The following KYNU variants were observed in gnomAD, a reference collection of about 807,000 sequenced individuals.
KYNU encodes kynureninase.
A neutral mutation model predicts 59.2 loss-of-function variants in KYNU; 54 were observed. That is an observed-to-expected ratio of 0.91 (90% confidence interval 0.73 to 1.14). KYNU has a LOEUF of 1.14. Ranked by LOEUF, KYNU falls within the 50% of genes most tolerant of loss-of-function variation. KYNU has a pLI of 0.00. For missense variants in KYNU, 567 were observed against 554.4 expected, an observed-to-expected ratio of 1.02 and a Z score of -0.23; for synonymous variants, 177 against 192.0, an observed-to-expected ratio of 0.92 and a Z score of 0.65.
intron 2 of KYNU, among the ~76,000 whole-genome samples, chr2:142,892,171 C>A (rs1681738821): frequency 6.6e-6 from 1 of 152,234 alleles, no homozygotes; most frequent in African/African-American, 2.4e-5. Flanking sequence ...ATCTCAGACT[C>A]CAAAGTGTTG....
intron 10 of KYNU, among the ~76,000 whole-genome samples, chr2:143,026,135 C>T (rs432693): frequency 0.36 from 54,013 of 151,872 alleles, 10,576 homozygotes; most frequent in East Asian, 0.52. Flanking sequence ...ACATTTTGGC[C>T]ATAGTTAAAT....
intron 4 of KYNU, among the ~76,000 whole-genome samples, chr2:142,946,260 C>T (rs1221245491): frequency 6.6e-6 from 1 of 151,362 alleles, no homozygotes; most frequent in Admixed American, 6.6e-5. Flanking sequence ...CTTTTTGTAT[C>T]ATTGGTAAAA....
chr2:142,919,529 T>C (rs1008677921), intron 3 of KYNU, among the ~76,000 whole-genome samples: 4 of 152,334 alleles, frequency 2.6e-5, no homozygotes, highest in African/African-American at 7.2e-5. Context: ...CCAAACCAAA[T>C]AGAATTTCAG....
intron 4 of KYNU, among the ~76,000 whole-genome samples, chr2:142,949,275 G>A (rs1683906130): frequency 6.6e-6 from 1 of 152,102 alleles, no homozygotes; most frequent in Non-Finnish European, 1.5e-5. Context: ...TACCACTCTG[G>A]GGACTGGAGG....
chr2:142,936,040 G>A (rs1047927551), intron 4 of KYNU, among the ~76,000 whole-genome samples: 5 of 152,174 alleles, frequency 3.3e-5, no homozygotes, highest in Non-Finnish European at 7.4e-5. Flanking sequence ...AGGCGATTGA[G>A]AGAAAGAGGT....
At chr2:142,947,090 CT>C in intron 4 of KYNU, 1 of 1,550,980 alleles carries the variant, frequency 6.4e-7, no homozygotes, top group Middle Eastern at 1.7e-4. Context: ...ACAATATGTC[CT>C]TTTGTTGCTT....
At chr2:142,931,643 T>C (rs1280715281) in intron 4 of KYNU, among the ~76,000 whole-genome samples, 1 of 152,174 alleles carries the variant, frequency 6.6e-6, no homozygotes, top group African/African-American at 2.4e-5. Context: ...AAGAGGCTGC[T>C]TTTGGTGTTG....
Position 142,897,244 on chromosome 2 carries a change from C to G in KYNU, c.169+11708C>G, listed in dbSNP as rs142688408. ...TGGAGTGTTCTTTAAAAGCCAGTTA[C>G]ATTCATTTGGTTCCTGGCGTTTTTC... On this transcript the variant is annotated intron_variant, in intron 2 of 13. Transcript: ENST00000264170. Among the ~76,000 whole-genome samples the G allele has an allele frequency of 3.3e-5, 5 of 152,264 alleles. No homozygotes were observed. In the East Asian group the frequency reaches 9.6e-4, roughly 29 times the overall value.
At chr2:142,879,923 T>G (rs1681233305) in intron 1 of KYNU, among the ~76,000 whole-genome samples, 1 of 151,662 alleles carries the variant, frequency 6.6e-6, no homozygotes. Flanking sequence ...TAAAGTCACC[T>G]CCAATCAACT....
chr2:142,919,554 G>T (rs1682797856), intron 3 of KYNU, among the ~76,000 whole-genome samples: 1 of 152,248 alleles, frequency 6.6e-6, no homozygotes, highest in Admixed American at 6.5e-5. Flanking sequence ...AAAACATTTG[G>T]CTGTCATAGA....
chr2:143,012,920 T>C lies in KYNU; in HGVS notation c.903-16707T>C, dbSNP rs368702996. 6.2e-4 allele frequency among the ~76,000 whole-genome samples: 95 copies of C among 152,352 alleles called. 1 individual carries two copies. The South Asian group carries it at 0.019, about 31-fold the overall frequency. ...TCTCTATCTCTGTATATTTGAATTT[T>C]TTTTAGATTTCATACATAAGTGAGA... On this transcript the variant is annotated intron_variant, in intron 10 of 13. Coordinates refer to ENST00000264170, the MANE Select transcript of KYNU (RefSeq NM_003937.3).
chr2:142,942,110 G>C (rs1683619716), intron 4 of KYNU, among the ~76,000 whole-genome samples: 1 of 146,306 alleles, frequency 6.8e-6, no homozygotes, highest in Non-Finnish European at 1.5e-5. Flanking sequence ...CTGGGAGTTT[G>C]AGGCTACAGT....
intron 8 of KYNU, among the ~76,000 whole-genome samples, chr2:142,976,527 G>A (rs56182344): frequency 1.3e-5 from 2 of 152,104 alleles, no homozygotes; most frequent in East Asian, 1.9e-4. Context: ...TATTTGTTGT[G>A]TAAAGGTTTT....
chr2:143,001,696 ATTAT>A (rs1391346808), intron 10 of KYNU, among the ~76,000 whole-genome samples: 1 of 152,094 alleles, frequency 6.6e-6, no homozygotes, highest in Non-Finnish European at 1.5e-5. Context: ...AGTGTTCCTG[ATTAT>A]TTATTGAGCA....
chr2:142,947,175 C>A, intron 4 of KYNU: 1 of 1,551,014 alleles, frequency 6.4e-7, no homozygotes, highest in Non-Finnish European at 8.7e-7. Context: ...CTTAAGTCAT[C>A]TTGCTAACGC....
In KYNU at chr2:143,051,714, T is replaced by C. The variant is rs1687269483; in HGVS notation, c.*9542T>C. ...CATTTGAGACATGCCTTTCAACTTC[T>C]GCCCTGATTGTGAGGCCTCCCCCGC... On this transcript the variant is annotated 3_prime_UTR_variant, in exon 14 of 14. Coordinates refer to ENST00000264170, the MANE Select transcript of KYNU (RefSeq NM_003937.3). 1 of 152,292 alleles carries C rather than the reference T, an allele frequency of 6.6e-6. No homozygotes were observed. Among genetic ancestry groups the C allele is most frequent in the Non-Finnish European group, 1.5e-5 (1 of 68,120 alleles). The allele number at this position is 152,292 out of a possible 1,614,324, so 9.4% of individuals were successfully genotyped here.
At chr2:142,901,998 T>C (rs187910994) in intron 2 of KYNU, among the ~76,000 whole-genome samples, 2 of 152,354 alleles carry the variant, frequency 1.3e-5, no homozygotes, top group Admixed American at 1.3e-4. Flanking sequence ...TGCGCAAGTA[T>C]GCAGTTGCAG....
chr2:142,920,725 A>C (rs939433843), intron 3 of KYNU, among the ~76,000 whole-genome samples: 1 of 152,194 alleles, frequency 6.6e-6, no homozygotes, highest in African/African-American at 2.4e-5. Flanking sequence ...TGAATTAAAG[A>C]AGACTTCTAA....
At position 143,045,027 on chromosome 2, in the gene KYNU, G is replaced by C. The variant is rs1687144550; in HGVS notation, c.*2855G>C. 6.6e-6 allele frequency: 1 copy of C among 151,856 alleles called. No individual in the cohort carries two copies. The highest frequency in any genetic ancestry group is 1.5e-5 in the Non-Finnish European group (1 of 67,974). 9.4% of individuals were successfully genotyped at this position (151,856 alleles called of 1,614,324 possible). A position where few individuals can be genotyped will look rare whatever the true frequency, so the allele number is the denominator to read the frequency against. ...TTTTTGTATAAGATATAAGAAAGGG[G>C]TCCAGTTTCAGTTTTCTGCATATGG... On this transcript the variant is annotated 3_prime_UTR_variant, in exon 14 of 14. Transcript: ENST00000264170.
Sources: allele counts gnomAD v4.1 joint callset (sites outside exome capture counted in the v4.1 genomes callset), GRCh38; gene constraint gnomAD v4.1.1; transcripts MANE v1.5; gene names NCBI Gene and HGNC (gene_info 2026-07-23, HGNC 2026-07-21).